PTPRZ1: variants seen among roughly 807,000 people sequenced by gnomAD.
PTPRZ1 encodes receptor-type tyrosine-protein phosphatase zeta.
Under a neutral mutation model 214.1 loss-of-function variants are expected in PTPRZ1, and 82 were observed. The ratio of observed to expected loss-of-function variants is 0.38; its 90% CI spans 0.32 to 0.46. The LOEUF is 0.46. Among genes scored for constraint, PTPRZ1 ranks in the 20% least tolerant of loss-of-function variants. PTPRZ1 has a pLI of 1.00. For synonymous variants in PTPRZ1, 945 were observed against 987.9 expected (o/e 0.96, Z 0.81); for missense variants, 2,603 against 2,748.7 (o/e 0.95, Z 1.19).
intron 1 of PTPRZ1, among the ~76,000 whole-genome samples, chr7:121,907,995 C>CT (rs1795166795): frequency 6.6e-6 from 1 of 151,970 alleles, no homozygotes; most frequent in South Asian, 2.1e-4. Context: ...TATTCAGACT[C>CT]TGAGTAGAGA....
chr7:121,901,036 G>C (rs866276254), intron 1 of PTPRZ1, among the ~76,000 whole-genome samples: 8 of 152,258 alleles, frequency 5.3e-5, no homozygotes, highest in Middle Eastern at 6.8e-3. Flanking sequence ...GCTTGGATTA[G>C]TGTGTCTGAA....
chr7:122,051,645 C>A, intron 24 of PTPRZ1, 124 bp downstream of exon 24: 1 of 866,656 alleles, frequency 1.2e-6, no homozygotes, highest in Non-Finnish European at 1.8e-6. Context: ...TAATTTTGTC[C>A]AATATGTAAC....
At chr7:122,036,806 G>A in intron 18 of PTPRZ1, 124 bp downstream of exon 18, 5 of 629,176 alleles carry the variant, frequency 7.9e-6, no homozygotes, top group South Asian at 2.7e-5. Flanking sequence ...GAATAAAAAT[G>A]GTAAAGTAAC....
chr7:122,012,865 G>T lies in PTPRZ1; in HGVS notation c.3819G>T (p.Leu1273Phe), dbSNP rs148562049. ...SYASEKYEPV[L>F]LKSESSHQVV... Reference sequence around the variant, plus strand: ...CAAGTGAGAAATATGAACCAGTTTTGTTAAAAAGTGAAAGTTCCCACCAAG... The same window carrying T: ...CAAGTGAGAAATATGAACCAGTTTTTTTAAAAAGTGAAAGTTCCCACCAAG... The change falls in exon 12 of 30, where the codon TTG (leucine) becomes TTT (phenylalanine). Residue 1273 changes from leucine (L) to phenylalanine (F), a missense_variant. Leu to Phe is a conservative substitution (Grantham distance 22). Transcript: ENST00000393386. The T allele has an allele frequency of 5.6e-4, 900 of 1,613,926 alleles. No homozygotes were observed. Among genetic ancestry groups the T allele is most frequent in the Non-Finnish European group, 6.3e-4 (739 of 1,179,956 alleles).
At chr7:121,896,570 A>T (rs928020187) in intron 1 of PTPRZ1, among the ~76,000 whole-genome samples, 1 of 152,076 alleles carries the variant, frequency 6.6e-6, no homozygotes, top group Non-Finnish European at 1.5e-5. Context: ...TAAGAACAGT[A>T]TGCCCATCCT....
chr7:122,019,737 T>C (rs1165289704), intron 13 of PTPRZ1, among the ~76,000 whole-genome samples: 1 of 152,164 alleles, frequency 6.6e-6, no homozygotes, highest in Non-Finnish European at 1.5e-5. Context: ...AATTAAACTA[T>C]AAATATAATT....
intron 8 of PTPRZ1, among the ~76,000 whole-genome samples, chr7:121,994,664 A>G (rs966694431): frequency 3.9e-5 from 6 of 152,176 alleles, no homozygotes; most frequent in African/African-American, 1.2e-4. Flanking sequence ...CTTGGGATTC[A>G]TTAGAAGCAA....
chr7:121,936,499 T>G (rs1796088824), intron 2 of PTPRZ1, among the ~76,000 whole-genome samples: 1 of 152,216 alleles, frequency 6.6e-6, no homozygotes, highest in Admixed American at 6.5e-5. Flanking sequence ...CTGAGGCCTA[T>G]AGCCGGGAGC....
intron 4 of PTPRZ1, among the ~76,000 whole-genome samples, 156 bp from the exon 5 acceptor site, chr7:121,976,017 A>AT (rs1407438042): frequency 4.6e-5 from 7 of 152,202 alleles, no homozygotes; most frequent in African/African-American, 1.7e-4. Context: ...CTAACTTTCT[A>AT]TTCCCTTCCT....
chr7:121,922,046 A>G (rs1322367213), intron 1 of PTPRZ1, among the ~76,000 whole-genome samples: 1 of 152,240 alleles, frequency 6.6e-6, no homozygotes, highest in Non-Finnish European at 1.5e-5. Context: ...AGATCCACAG[A>G]GAAAATTTGC....
chr7:121,926,759 C>T (rs1463418146), intron 1 of PTPRZ1, among the ~76,000 whole-genome samples: 1 of 152,030 alleles, frequency 6.6e-6, no homozygotes, highest in African/African-American at 2.4e-5. Context: ...ATTCTAAAAG[C>T]CATTGACTTG....
intron 1 of PTPRZ1, among the ~76,000 whole-genome samples, chr7:121,899,411 T>C (rs1794894943): frequency 6.6e-6 from 1 of 152,242 alleles, no homozygotes; most frequent in South Asian, 2.1e-4. Context: ...TAACATAAAA[T>C]ATATGGAAGA....
intron 23 of PTPRZ1, among the ~76,000 whole-genome samples, chr7:122,049,404 T>G (rs1792102078): frequency 6.6e-6 from 1 of 152,028 alleles, no homozygotes; most frequent in African/African-American, 2.4e-5. Context: ...CTGCAAAGAA[T>G]ATCAAGAGAA....
chr7:122,022,221 T>G (rs1240428924), intron 13 of PTPRZ1, among the ~76,000 whole-genome samples: 2 of 152,220 alleles, frequency 1.3e-5, no homozygotes, highest in Non-Finnish European at 2.9e-5. Context: ...CTTTTTAAAG[T>G]GTATGATTCA....
chr7:122,026,066 A>G (rs1424214627), intron 13 of PTPRZ1, among the ~76,000 whole-genome samples: 2 of 152,216 alleles, frequency 1.3e-5, no homozygotes, highest in Non-Finnish European at 2.9e-5. Context: ...AACCCGTTAG[A>G]GCTGTTAACA....
chr7:121,876,803 A>G (rs1436200892), intron 1 of PTPRZ1, among the ~76,000 whole-genome samples: 1 of 152,078 alleles, frequency 6.6e-6, no homozygotes, highest in African/African-American at 2.4e-5. Context: ...ATTCATTTCT[A>G]CTCTCATGTC....
rs758258326 is a variant in PTPRZ1 at position 121,873,315 on chromosome 7, GTC to G, written c.-172_-171del. ...ACTGTCTCTCTCTGTCTCTGTCTCT[GTC>G]TCTCTCTCTCTCACACACACACACA... On this transcript the variant is annotated 5_prime_UTR_variant, in exon 1 of 30. Transcript: ENST00000393386. 793 of 505,720 alleles carry G rather than the reference GTC, an allele frequency of 1.6e-3. No individual in the cohort carries two copies. Among genetic ancestry groups the G allele is most frequent in the South Asian group, 3.6e-3 (129 of 35,972 alleles). The allele number at this position is 505,720 out of a possible 1,614,324, so 31.3% of individuals were successfully genotyped here. A position where few individuals can be genotyped will look rare whatever the true frequency, so the allele number is the denominator to read the frequency against.
Position 122,011,704 on chromosome 7 carries a change from T to C in PTPRZ1, c.2658T>C (p.Ala886=), listed in dbSNP as rs756216308. 5.0e-6 allele frequency: 8 copies of C among 1,614,042 alleles called. No individual in the cohort carries two copies. Among genetic ancestry groups the C allele is most frequent in the Non-Finnish European group, 5.9e-6 (7 of 1,180,026 alleles). The part of the protein sequence containing the change: ...YSDVLSTTHA[A]SETLEFGSES... ...ATGTGCTGTCCACTACTCATGCTGC[T>C]TCAGAGACGCTGGAATTTGGTAGTG... Residue 886 remains alanine (A), a synonymous_variant, in exon 12 of 30, where the codon GCT becomes GCC. Transcript: ENST00000393386.
At chr7:121,940,943 T>C (rs1000938655) in intron 2 of PTPRZ1, among the ~76,000 whole-genome samples, 21 of 152,186 alleles carry the variant, frequency 1.4e-4, no homozygotes, top group Non-Finnish European at 2.6e-4. Context: ...TCTCTCCGAT[T>C]CTGTTTATAA....
Sources: allele counts gnomAD v4.1 joint callset (sites outside exome capture counted in the v4.1 genomes callset), GRCh38; gene constraint gnomAD v4.1.1; transcripts MANE v1.5; gene names NCBI Gene and HGNC (gene_info 2026-07-23, HGNC 2026-07-21).